Variants in IGSF5 observed in about 807,000 individuals in gnomAD.
IGSF5 encodes the protein immunoglobulin superfamily member 5.
A neutral mutation model predicts 39.4 loss-of-function variants in IGSF5; 41 were observed. That is an observed-to-expected ratio of 1.04 (90% CI 0.81 to 1.35). The LOEUF (loss-of-function observed/expected upper bound fraction) is 1.35. Among genes scored for constraint, IGSF5 ranks in the 40% most tolerant of loss-of-function variants. The pLI is 0.00. For missense variants in IGSF5, 487 were observed against 494.6 expected, an observed-to-expected ratio of 0.98 and a Z score of 0.15; for synonymous variants, 183 against 175.3, an observed-to-expected ratio of 1.04 and a Z score of -0.34.
intron 2 of IGSF5, among the ~76,000 whole-genome samples, chr21:39,750,617 T>C (rs1351509130): frequency 6.7e-6 from 1 of 148,760 alleles, no homozygotes; most frequent in Non-Finnish European, 1.5e-5. Context: ...CCTGTGTTCA[T>C]CTCCTAGCAC....
At chr21:39,779,559 C>A (rs762829640) in intron 5 of IGSF5, among the ~76,000 whole-genome samples, 2 of 152,100 alleles carry the variant, frequency 1.3e-5, no homozygotes, top group Non-Finnish European at 2.9e-5. Context: ...GGGTCTATAT[C>A]CAAAAGAAAT....
At chr21:39,798,303 CA>C (rs1417015741) in intron 8 of IGSF5, among the ~76,000 whole-genome samples, 1 of 152,234 alleles carries the variant, frequency 6.6e-6, no homozygotes, top group African/African-American at 2.4e-5. Flanking sequence ...GATGGGTACT[CA>C]GCAATTCTGC....
At chr21:39,717,907 T>C in the IGSF5 span, among the ~76,000 whole-genome samples, 12 of 152,366 alleles carry the variant, frequency 7.9e-5, no homozygotes, top group South Asian at 2.3e-3. Context: ...AGGAATAACA[T>C]TGAATCTGTA....
the IGSF5 span, among the ~76,000 whole-genome samples, chr21:39,721,859 T>C: frequency 3.3e-5 from 5 of 152,170 alleles, no homozygotes; most frequent in Admixed American, 2.6e-4. Flanking sequence ...TATAACTGAA[T>C]GAAAGGTCAT....
intron 8 of IGSF5, 40 bp from the exon 9 acceptor site, chr21:39,801,222 T>C: frequency 6.8e-7 from 1 of 1,461,384 alleles, no homozygotes; most frequent in Non-Finnish European, 9.6e-7. Context: ...TACAGTGATC[T>C]CAACCCATTA....
At chr21:39,758,833 T>C (rs753304854) in intron 2 of IGSF5, among the ~76,000 whole-genome samples, 5 of 152,336 alleles carry the variant, frequency 3.3e-5, no homozygotes, top group East Asian at 3.9e-4. Context: ...CCCAACTAGA[T>C]TATAAACTCC....
the IGSF5 span, among the ~76,000 whole-genome samples, chr21:39,715,794 T>C: frequency 6.6e-6 from 1 of 152,210 alleles, no homozygotes; most frequent in Non-Finnish European, 1.5e-5. Flanking sequence ...GGCTTTATAA[T>C]TAGCATAATT....
In IGSF5 at chr21:39,793,698, C is replaced by T. The variant is rs1237968038; in HGVS notation, c.1128+85C>T. ...TGTTGTGGGTGATTATAAAATGGTG[C>T]GCGTTGTGTATTCATGATGGTGGCA... On this transcript the variant is annotated intron_variant, in intron 8 of 8. Coordinates refer to ENST00000380588, the MANE Select transcript of IGSF5 (RefSeq NM_001080444.2). 1.9e-5 allele frequency: 21 copies of T among 1,084,280 alleles called. 1 individual carries two copies. Among genetic ancestry groups the T allele is most frequent in the South Asian group, 8.0e-5 (6 of 75,464 alleles). The allele number at this position is 1,084,280 out of a possible 1,614,324, so 67.2% of individuals were successfully genotyped here. A position where few individuals can be genotyped will look rare whatever the true frequency, so the allele number is the denominator to read the frequency against.
intron 5 of IGSF5, among the ~76,000 whole-genome samples, chr21:39,779,590 A>T (rs2080159420): frequency 6.6e-6 from 1 of 152,354 alleles, no homozygotes; most frequent in Admixed American, 6.5e-5. Context: ...TATTGAAGAG[A>T]TATCTGCATT....
At position 39,771,147 on chromosome 21, in the gene IGSF5, C is replaced by T. The variant is rs2080112307; in HGVS notation, c.650C>T (p.Ala217Val). 1 of 1,608,166 alleles carries T rather than the reference C, an allele frequency of 6.2e-7. No individual in the cohort carries two copies. Among genetic ancestry groups the T allele is most frequent in the Non-Finnish European group, 8.5e-7 (1 of 1,176,994 alleles). The part of the protein sequence containing the change: ...PQSNGTLTCV[A>V]TWKSLKARKS... ...AGCAATGGGACTTTGACTTGCGTGGCTACCTGGAAGAGCCTGAAGGCCCGC... is the reference window on the plus strand; with the variant it reads ...AGCAATGGGACTTTGACTTGCGTGGTTACCTGGAAGAGCCTGAAGGCCCGC... The change falls in exon 4 of 9, where the codon GCT (alanine) becomes GTT (valine). Residue 217 changes from alanine to valine, a missense_variant. Coordinates refer to ENST00000380588, the MANE Select transcript of IGSF5 (RefSeq NM_001080444.2).
At chr21:39,780,248 G>T (rs1312907984) in intron 5 of IGSF5, among the ~76,000 whole-genome samples, 3 of 152,158 alleles carry the variant, frequency 2.0e-5, no homozygotes, top group African/African-American at 7.2e-5. Flanking sequence ...AGACACATTG[G>T]CTTTAAGAGT....
intron 8 of IGSF5, among the ~76,000 whole-genome samples, chr21:39,800,511 C>T (rs79638660): frequency 0.023 from 3,441 of 152,318 alleles, 129 homozygotes; most frequent in African/African-American, 0.078. Context: ...TAGTTCCATC[C>T]GCTGTCCAGT....
At chr21:39,741,841 G>A (rs148826505), upstream of IGSF5, among the ~76,000 whole-genome samples, 140 of 152,248 alleles carry the variant, frequency 9.2e-4, 2 homozygotes, top group Non-Finnish European at 1.6e-3. Context: ...TAAGGGCTAG[G>A]TATAGCTGGG....
intron 8 of IGSF5, among the ~76,000 whole-genome samples, chr21:39,795,435 G>A (rs764727514): frequency 5.9e-5 from 9 of 152,024 alleles, no homozygotes; most frequent in Admixed American, 2.0e-4. Flanking sequence ...TCTATCAAGT[G>A]TGTTTCTATC....
At chr21:39,740,175 C>T in the IGSF5 span, among the ~76,000 whole-genome samples, 1 of 152,176 alleles carries the variant, frequency 6.6e-6, no homozygotes, top group Non-Finnish European at 1.5e-5. Flanking sequence ...GGCTTGGTTT[C>T]CCAGAGGGGA....
intron 2 of IGSF5, among the ~76,000 whole-genome samples, chr21:39,749,470 C>T (rs1381153535): frequency 6.6e-6 from 1 of 152,230 alleles, no homozygotes; most frequent in Non-Finnish European, 1.5e-5. Context: ...GCCTTGGCCT[C>T]CCAAAGTGCT....
At chr21:39,739,245 TC>T in the IGSF5 span, among the ~76,000 whole-genome samples, 2 of 150,424 alleles carry the variant, frequency 1.3e-5, no homozygotes, top group South Asian at 4.2e-4. Context: ...TTTCTTTTTT[TC>T]TTCTGCTTTT....
At chr21:39,761,213 A>G (rs1372706254) in intron 2 of IGSF5, among the ~76,000 whole-genome samples, 1 of 152,246 alleles carries the variant, frequency 6.6e-6, no homozygotes, top group Admixed American at 6.5e-5. Flanking sequence ...ATGCAGAAGA[A>G]TAAAACTAGG....
the IGSF5 span, among the ~76,000 whole-genome samples, chr21:39,718,096 TG>T: frequency 0.11 from 16,184 of 151,766 alleles, 1,153 homozygotes; most frequent in East Asian, 0.22. Flanking sequence ...ATTTTTTTTT[TG>T]TGTGTGTCAC....
Sources: gnomAD v4.1 joint callset for allele counts (sites outside exome capture counted in the v4.1 genomes callset) on GRCh38, gnomAD v4.1.1 for gene constraint, MANE v1.5 for transcripts, NCBI Gene and HGNC (gene_info 2026-07-23, HGNC 2026-07-21) for gene names.